FREM1: variants seen among roughly 807,000 people sequenced by gnomAD.
FREM1 encodes the protein FRAS1 related extracellular matrix 1, also known as FRAS1-related extracellular matrix protein 1.
In FREM1, 220 loss-of-function variants were observed where a neutral mutation model predicts 210.1. The ratio of observed to expected loss-of-function variants is 1.05; its 90% CI spans 0.94 to 1.17. The LOEUF (loss-of-function observed/expected upper bound fraction) is 1.17. FREM1 is among the 50% of genes most tolerant of loss of function. The pLI, the probability that FREM1 is intolerant of heterozygous loss-of-function variation, is 0.00. For synonymous variants in FREM1, 1,189 were observed against 980.2 expected, an observed-to-expected ratio of 1.21 and a Z score of -3.98; for missense variants, 3,454 against 2,675.5, an observed-to-expected ratio of 1.29 and a Z score of -6.42.
chr9:14,881,960 G>C (rs574282638), intron 1 of FREM1, among the ~76,000 whole-genome samples: 92 of 152,254 alleles, frequency 6.0e-4, no homozygotes, highest in Non-Finnish European at 5.9e-5. Context: ...AAAAAATGAG[G>C]CTATGGCATA....
In FREM1 at chr9:14,825,986, T is replaced by G. The variant is rs111872979; in HGVS notation, c.1882-994A>C. On this transcript the variant is annotated intron_variant, in intron 10 of 36. Transcript: ENST00000380880. The stretch of plus-strand genomic sequence containing the variant: ...AAAAGTACAAATGAAATAAGTTAAT[T>G]TACCCCTTCAAAAATCTTAAAACAA... 6.4e-4 allele frequency among the ~76,000 whole-genome samples: 98 copies of G among 152,274 alleles called. No individual in the cohort carries two copies. In the Middle Eastern group the frequency reaches 0.01, roughly 16 times the overall value.
chr9:14,858,655 G>T (rs1383022943), intron 4 of FREM1, among the ~76,000 whole-genome samples: 1 of 152,156 alleles, frequency 6.6e-6, no homozygotes, highest in Non-Finnish European at 1.5e-5. Flanking sequence ...TTTCTAGAGA[G>T]AACAGGAGGT....
intron 24 of FREM1, among the ~76,000 whole-genome samples, chr9:14,778,230 T>G (rs191714599): frequency 1.3e-5 from 2 of 152,184 alleles, no homozygotes; most frequent in Admixed American, 1.3e-4. Flanking sequence ...TTTCATAAAA[T>G]TAAACCTTTG....
At chr9:14,804,313 C>T (rs545698988) in intron 19 of FREM1, among the ~76,000 whole-genome samples, 25 of 152,228 alleles carry the variant, frequency 1.6e-4, no homozygotes, top group Admixed American at 8.5e-4. Flanking sequence ...TGGCTGGGTG[C>T]GGTGGCTCAT....
intron 1 of FREM1, among the ~76,000 whole-genome samples, chr9:14,875,046 C>A (rs960591185): frequency 1.3e-5 from 2 of 152,220 alleles, no homozygotes; most frequent in African/African-American, 2.4e-5. Context: ...CGCTGTTAGT[C>A]TGATGGGCTT....
At chr9:14,738,357 A>C (rs916419143) in intron 36 of FREM1, among the ~76,000 whole-genome samples, 1 of 98,150 alleles carries the variant, frequency 1.0e-5, no homozygotes, top group Non-Finnish European at 2.2e-5. Flanking sequence ...TCCTAGATAC[A>C]TAACATTTTA....
intron 1 of FREM1, among the ~76,000 whole-genome samples, chr9:14,901,659 G>C (rs1283653677): frequency 6.6e-6 from 1 of 152,148 alleles, no homozygotes; most frequent in African/African-American, 2.4e-5. Flanking sequence ...ATGTCTTATT[G>C]TAGGAAGACC....
In FREM1 at chr9:14,859,358, T is replaced by C. The variant is rs10961757; in HGVS notation, c.456A>G (p.Gln152=). Reference sequence around the variant, plus strand: ...ATCTGAGCAGATTTTTATCAATCGCTTGGGACAAGCCATTGAATTCAGGCA... The same window carrying C: ...ATCTGAGCAGATTTTTATCAATCGCCTGGGACAAGCCATTGAATTCAGGCA... The part of the protein sequence containing the change: ...LEVPEFNGLS[Q]AIDKNLLRFD... The change falls in exon 4 of 37, where the codon CAA becomes CAG. Residue 152 remains glutamine, a synonymous_variant. Coordinates refer to ENST00000380880, the MANE Select transcript of FREM1 (RefSeq NM_001379081.2). 0.18 allele frequency: 283,274 copies of C among 1,613,536 alleles called. 29,942 individuals carry two copies. The highest frequency in any genetic ancestry group is 0.57 in the East Asian group (25,594 of 44,834).
At chr9:14,838,138 T>TCAAAAGGAA (rs1824971241) in intron 10 of FREM1, among the ~76,000 whole-genome samples, 1 of 152,220 alleles carries the variant, frequency 6.6e-6, no homozygotes, top group African/African-American at 2.4e-5. Flanking sequence ...TGTGTCAATT[T>TCAAAAGGAA]CAAAAGGAAT....
chr9:14,791,724 G>A (rs1218344744), intron 22 of FREM1, among the ~76,000 whole-genome samples: 2 of 152,224 alleles, frequency 1.3e-5, no homozygotes, highest in Non-Finnish European at 2.9e-5. Context: ...GATGGCCCCT[G>A]CTCAGCGACA....
chr9:14,805,189 A>T, intron 18 of FREM1, 37 bp from the exon 19 acceptor site: 1 of 1,355,536 alleles, frequency 7.4e-7, no homozygotes, highest in Non-Finnish European at 9.8e-7. Flanking sequence ...AAATAAAAAA[A>T]AAATTTTTCC....
intron 24 of FREM1, among the ~76,000 whole-genome samples, chr9:14,779,196 A>G (rs1849242058): frequency 1.3e-5 from 2 of 151,898 alleles, no homozygotes; most frequent in Non-Finnish European, 2.9e-5. Flanking sequence ...TATGTTTCAC[A>G]CCTCTCATTC....
chr9:14,863,407 T>C (rs16932372), intron 3 of FREM1, among the ~76,000 whole-genome samples: 7,830 of 152,098 alleles, frequency 0.051, 245 homozygotes, highest in East Asian at 0.13. Context: ...TTGCACTTTC[T>C]GTAACTAAAC....
chr9:14,756,268 T>C (rs1844336678), intron 29 of FREM1, 106 bp downstream of exon 29: 2 of 794,228 alleles, frequency 2.5e-6, no homozygotes, highest in South Asian at 3.5e-5. Context: ...AGTTTCTAGT[T>C]GGCTAAAGTT....
intron 1 of FREM1, among the ~76,000 whole-genome samples, chr9:14,904,524 G>C (rs1017482875): frequency 6.6e-6 from 1 of 152,172 alleles, no homozygotes; most frequent in African/African-American, 2.4e-5. Flanking sequence ...GAGCAGATCT[G>C]CTTTCGCAGC....
chr9:14,875,633 G>T (rs1198906081), intron 1 of FREM1, among the ~76,000 whole-genome samples: 1 of 152,106 alleles, frequency 6.6e-6, no homozygotes, highest in Non-Finnish European at 1.5e-5. Context: ...TCCTCCTGTA[G>T]CTCTAAGTAG....
At chr9:14,880,377 G>T (rs1834569747) in intron 1 of FREM1, among the ~76,000 whole-genome samples, 1 of 152,110 alleles carries the variant, frequency 6.6e-6, no homozygotes, top group Admixed American at 6.5e-5. Flanking sequence ...GCCGAGGCGG[G>T]TGGATCACCT....
chr9:14,851,955 T>C (rs999912548), intron 5 of FREM1, among the ~76,000 whole-genome samples: 4 of 152,204 alleles, frequency 2.6e-5, no homozygotes, highest in Admixed American at 2.0e-4. Context: ...TTTGTGTGAT[T>C]TTAGACAAGT....
chr9:14,860,676 CAT>C (rs1588427467), intron 3 of FREM1, among the ~76,000 whole-genome samples: 1 of 107,184 alleles, frequency 9.3e-6, no homozygotes, highest in African/African-American at 5.2e-5. Context: ...TATATACACA[CAT>C]ATATACACAT....
Sources: allele counts gnomAD v4.1 joint callset (sites outside exome capture counted in the v4.1 genomes callset), GRCh38; gene constraint gnomAD v4.1.1; transcripts MANE v1.5; gene names NCBI Gene and HGNC (gene_info 2026-07-23, HGNC 2026-07-21).